HYDIN: variants seen among roughly 807,000 people sequenced by gnomAD.
HYDIN encodes the protein axonemal central pair apparatus protein HYDIN.
Under a neutral mutation model 403.9 loss-of-function variants are expected in HYDIN, and 132 were observed. That is an observed-to-expected ratio of 0.33 (90% CI 0.28 to 0.38). HYDIN has a LOEUF of 0.38. HYDIN is among the 10% of genes least tolerant of loss of function. The pLI is 1.00. For synonymous variants in HYDIN, 1,202 were observed against 1,891.7 expected (o/e 0.64, Z 9.46); for missense variants, 2,827 against 5,009.5 (o/e 0.56, Z 13.15).
intron 47 of HYDIN, among the ~76,000 whole-genome samples, chr16:70,916,027 A>C (rs895879075): frequency 2.0e-5 from 3 of 152,226 alleles, no homozygotes; most frequent in African/African-American, 7.2e-5. Context: ...GTTTCCAGGC[A>C]GTGGGCAAGC....
intron 10 of HYDIN, among the ~76,000 whole-genome samples, chr16:71,095,864 TATCC>T (rs2083262903): frequency 8.3e-6 from 1 of 120,436 alleles, no homozygotes. Context: ...TTTTGGTGCC[TATCC>T]TTTTATATTT....
At chr16:70,947,663 C>T (rs1293490640) in intron 41 of HYDIN, among the ~76,000 whole-genome samples, 1 of 152,122 alleles carries the variant, frequency 6.6e-6, no homozygotes, top group Non-Finnish European at 1.5e-5. Context: ...ACACCAATAA[C>T]AGACAAACAG....
chr16:70,888,708 C>G (rs1253256526), intron 58 of HYDIN, among the ~76,000 whole-genome samples: 1 of 152,268 alleles, frequency 6.6e-6, no homozygotes, highest in East Asian at 1.9e-4. Flanking sequence ...ATGAAAATCT[C>G]GGCTTGGTAT....
intron 83 of HYDIN, among the ~76,000 whole-genome samples, chr16:70,819,778 T>G (rs2036107704): frequency 6.6e-6 from 1 of 151,572 alleles, no homozygotes; most frequent in Admixed American, 6.6e-5. Context: ...GCTTTTTACT[T>G]TCAACTTCTT....
intron 4 of HYDIN, 71 bp from the exon 5 acceptor site, chr16:71,175,812 T>C (rs1232941725): frequency 6.7e-7 from 1 of 1,490,030 alleles, no homozygotes; most frequent in Non-Finnish European, 9.3e-7. Flanking sequence ...CTGAAATCCA[T>C]CAACTACTTA....
intron 3 of HYDIN, among the ~76,000 whole-genome samples, chr16:71,181,269 C>A: frequency 6.7e-6 from 1 of 149,378 alleles, no homozygotes; most frequent in African/African-American, 2.5e-5. Context: ...ATGCAAAGGA[C>A]CAAGAATAGA....
chr16:70,927,969 C>T (rs200907681), intron 45 of HYDIN, among the ~76,000 whole-genome samples: 76 of 143,702 alleles, frequency 5.3e-4, no homozygotes, highest in African/African-American at 1.9e-3. Context: ...AAACAAAAAA[C>T]AAAAAAAACA....
At chr16:71,128,145 T>C (rs1213808865) in intron 9 of HYDIN, among the ~76,000 whole-genome samples, 1 of 152,200 alleles carries the variant, frequency 6.6e-6, no homozygotes, top group Non-Finnish European at 1.5e-5. Flanking sequence ...TCCAACTTCT[T>C]TGACTATGAA....
intron 64 of HYDIN, among the ~76,000 whole-genome samples, chr16:70,872,856 T>C (rs111209769): frequency 6.7e-5 from 10 of 149,424 alleles, no homozygotes; most frequent in African/African-American, 1.5e-4. Flanking sequence ...CACCCACCCA[T>C]CCATCCATCC....
intron 6 of HYDIN, among the ~76,000 whole-genome samples, chr16:71,162,093 A>T (rs913023386): frequency 7.1e-6 from 1 of 141,660 alleles, no homozygotes; most frequent in Non-Finnish European, 1.5e-5. Context: ...TCTCACTTTG[A>T]TTTTAGCCCA....
chr16:70,964,903 G>A lies in HYDIN; in HGVS notation c.5620-7C>T, dbSNP rs1372338239. 3.9e-5 allele frequency: 63 copies of A among 1,613,568 alleles called. No homozygotes were observed. In the Middle Eastern group the frequency reaches 5.2e-4, roughly 13 times the overall value. On this transcript the variant is annotated splice_polypyrimidine_tract_variant and splice_region_variant and intron_variant, in intron 36 of 85. Coordinates refer to ENST00000393567, the MANE Select transcript of HYDIN (RefSeq NM_001270974.2). Reference sequence around the variant, plus strand: ...CCTTCAGCTTCCGCAAGATCTGCTCGAGGGGAGAAAGAGAATCCTGTTGGT... The same window carrying A: ...CCTTCAGCTTCCGCAAGATCTGCTCAAGGGGAGAAAGAGAATCCTGTTGGT...
intron 10 of HYDIN, 149 bp downstream of exon 10, chr16:71,115,547 A>C (rs1030257490): frequency 1.9e-6 from 1 of 533,620 alleles, no homozygotes; most frequent in Non-Finnish European, 3.4e-6. Context: ...GCTTGGCTCC[A>C]TAATTCCCCT....
chr16:70,860,038 T>G (rs1030667907), intron 71 of HYDIN, 30 bp downstream of exon 71: 1 of 1,585,946 alleles, frequency 6.3e-7, no homozygotes, highest in Non-Finnish European at 8.6e-7. Context: ...GATCTAAGCC[T>G]TGGGTTGAGT....
chr16:70,938,735 G>C lies in HYDIN; in HGVS notation c.6874C>G (p.Leu2292Val). 1 of 1,614,170 alleles carries C rather than the reference G, an allele frequency of 6.2e-7. No homozygotes were observed. Among genetic ancestry groups the C allele is most frequent in the Non-Finnish European group, 8.5e-7 (1 of 1,180,048 alleles). The change falls in exon 44 of 86, where the codon CTT becomes GTT. Residue 2292 changes from leucine (L) to valine (V), a missense_variant. Transcript: ENST00000393567. ...EQEERKHKGA[L>V]EKEKERLQNM... ...TGGAGACGCTCCTTCTCTTTCTCAAGAGCTCCCTTGTGCTTGCGTTCTGTG... is the reference window on the plus strand; with the variant it reads ...TGGAGACGCTCCTTCTCTTTCTCAACAGCTCCCTTGTGCTTGCGTTCTGTG...
Position 71,107,294 on chromosome 16 carries a change from A to G in HYDIN, c.1327+8402T>C, listed in dbSNP as rs983553765. On this transcript the variant is annotated intron_variant, in intron 10 of 85. Transcript: ENST00000393567. Reference sequence around the variant, plus strand: ...GCACATGTACCCTAGCACTTAAAGCATAATAAAAAACAAGTAAAATTAAAT... The same window carrying G: ...GCACATGTACCCTAGCACTTAAAGCGTAATAAAAAACAAGTAAAATTAAAT... Among the ~76,000 whole-genome samples the G allele has an allele frequency of 7.3e-5, 11 of 151,286 alleles. No homozygotes were observed. In the South Asian group the frequency reaches 1.9e-3, roughly 26 times the overall value.
At chr16:71,033,614 C>T (rs2080989639) in intron 18 of HYDIN, among the ~76,000 whole-genome samples, 1 of 151,134 alleles carries the variant, frequency 6.6e-6, no homozygotes, top group Non-Finnish European at 1.5e-5. Context: ...GAACATCACA[C>T]ACCAGGGCGT....
chr16:71,040,975 A>G (rs1355790285), intron 18 of HYDIN, among the ~76,000 whole-genome samples: 1 of 150,696 alleles, frequency 6.6e-6, no homozygotes, highest in Non-Finnish European at 1.5e-5. Context: ...TGCGCTTCAC[A>G]TTATAACCCA....
At chr16:71,007,754 A>G (rs1567983346) in intron 23 of HYDIN, among the ~76,000 whole-genome samples, 3 of 144,762 alleles carry the variant, frequency 2.1e-5, no homozygotes. Context: ...CTTCCCAAAT[A>G]ACTTAAAACA....
At chr16:70,835,440 G>A (rs1479369090) in intron 78 of HYDIN, among the ~76,000 whole-genome samples, 1 of 152,174 alleles carries the variant, frequency 6.6e-6, no homozygotes, top group African/African-American at 2.4e-5. Flanking sequence ...AAAATGAAAT[G>A]AAAATGCAAA....
Sources: gnomAD v4.1 joint callset for allele counts (sites outside exome capture counted in the v4.1 genomes callset) on GRCh38, gnomAD v4.1.1 for gene constraint, MANE v1.5 for transcripts, NCBI Gene and HGNC (gene_info 2026-07-23, HGNC 2026-07-21) for gene names.